The following ZNF37A variants were observed in gnomAD, a reference collection of about 807,000 sequenced individuals.
The protein encoded by ZNF37A is zinc finger protein 37A, also known as zinc finger protein 37a (KOX 21).
ZNF37A carries 10 observed loss-of-function variants against 12.3 expected under a neutral mutation model. That is an observed-to-expected ratio of 0.82 (90% confidence interval 0.50 to 1.38). ZNF37A has a LOEUF of 1.38. Among genes scored for constraint, ZNF37A ranks in the 40% most tolerant of loss-of-function variants. The pLI is 0.00. For missense variants in ZNF37A, 580 were observed against 651.2 expected (o/e 0.89, Z 1.19); for synonymous variants, 207 against 223.0 (o/e 0.93, Z 0.64).
intron 5 of ZNF37A, among the ~76,000 whole-genome samples, chr10:38,113,594 G>T (rs745451435): frequency 6.6e-5 from 10 of 152,110 alleles, no homozygotes; most frequent in Admixed American, 6.5e-5. Flanking sequence ...CCACCCTCCT[G>T]GTTCTAATTT....
chr10:38,104,620 G>A (rs187752322), intron 5 of ZNF37A, among the ~76,000 whole-genome samples: 163 of 152,190 alleles, frequency 1.1e-3, no homozygotes, highest in African/African-American at 3.7e-3. Context: ...TTTTCCTGCA[G>A]TACCTCTACC....
At chr10:38,096,242 T>G (rs985743465) in intron 4 of ZNF37A, among the ~76,000 whole-genome samples, 3 of 152,196 alleles carry the variant, frequency 2.0e-5, no homozygotes, top group African/African-American at 7.2e-5. Context: ...GTTGGGATTC[T>G]CTGGTTTGTA....
At position 38,094,351 on chromosome 10, in the gene ZNF37A, AC is replaced by A. The variant is rs1298653332; in HGVS notation, c.-630del. 8.2e-6 allele frequency: 1 copy of A among 122,646 alleles called. No homozygotes were observed. Among genetic ancestry groups the A allele is most frequent in the Admixed American group, 8.7e-5 (1 of 11,560 alleles). 7.6% of individuals were successfully genotyped at this position (122,646 alleles called of 1,614,324 possible). Reference sequence around the variant, plus strand: ...AGGACTTGTGGGAGATGTAGTGTGCACTTTTCGGCCCCCGTCGCGGGAGCCG... The same window carrying A: ...AGGACTTGTGGGAGATGTAGTGTGCATTTTCGGCCCCCGTCGCGGGAGCCG... On this transcript the variant is annotated 5_prime_UTR_variant, in exon 1 of 8. Coordinates refer to ENST00000685332, the MANE Select transcript of ZNF37A (RefSeq NM_001324250.3).
chr10:38,099,416 A>G (rs2067387013), intron 5 of ZNF37A, among the ~76,000 whole-genome samples: 1 of 152,158 alleles, frequency 6.6e-6, no homozygotes, highest in Non-Finnish European at 1.5e-5. Flanking sequence ...CACCTAGCAT[A>G]ATGTCCTCAA....
rs930741938 is a variant in ZNF37A at position 38,115,490 on chromosome 10, CT to C, written c.238+202del. 2.7e-5 allele frequency: 16 copies of C among 595,786 alleles called. No homozygotes were observed. In the African/African-American group the frequency reaches 3.2e-4, roughly 12 times the overall value. The allele number at this position is 595,786 out of a possible 1,614,324, so 36.9% of individuals were successfully genotyped here. A position where few individuals can be genotyped will look rare whatever the true frequency, so the allele number is the denominator to read the frequency against. On this transcript the variant is annotated intron_variant, in intron 7 of 7. Transcript: ENST00000685332. ...CCCAGTATCACTTTCATACACACAT[CT>C]TGTTGTTTTTTTTAAATTGTGATAT...
Position 38,118,051 on chromosome 10 carries a change from A to G in ZNF37A, c.900A>G (p.Glu300=). Residue 300 remains glutamate, a synonymous_variant, in exon 8 of 8, where the codon GAA becomes GAG. Transcript: ENST00000685332. ...CACACACAGGGGGAAAACCCTATGA[A>G]TGTCATGAATGTGGGAAGACCTTCT... ...QRTHTGGKPY[E]CHECGKTFYK... is the part of the protein sequence containing the mutation. 1 of 1,614,138 alleles carries G rather than the reference A, an allele frequency of 6.2e-7. No individual in the cohort carries two copies. The highest frequency in any genetic ancestry group is 8.5e-7 in the Non-Finnish European group (1 of 1,180,004).
rs747220035 is a variant in ZNF37A, at chr10:38,118,472, T to A, written c.1321T>A (p.Cys441Ser). Residue 441 changes from cysteine (C) to serine (S), a missense_variant, in exon 8 of 8, where the codon TGT becomes AGT. Transcript: ENST00000685332. ...RTHTGEKPYE[C>S]IQCGKFFCYY... ...TCACACAGGTGAGAAACCTTATGAA[T>A]GTATTCAGTGTGGAAAATTTTTCTG... 12 of 1,614,046 alleles carry A rather than the reference T, an allele frequency of 7.4e-6. No homozygotes were observed. Among genetic ancestry groups the A allele is most frequent in the Non-Finnish European group, 1.0e-5 (12 of 1,179,998 alleles).
intron 7 of ZNF37A, among the ~76,000 whole-genome samples, chr10:38,132,792 G>C (rs1590942989): frequency 1.4e-5 from 2 of 147,502 alleles, no homozygotes; most frequent in African/African-American, 5.0e-5. Context: ...TCTGTAGTTG[G>C]TTTACTGTAT....
intron 7 of ZNF37A, chr10:38,146,600 G>A (rs368401881): frequency 3.3e-4 from 129 of 387,378 alleles, no homozygotes; most frequent in South Asian, 3.0e-3. Flanking sequence ...TACTTTCAGG[G>A]GATTTTTAAA....
At chr10:38,128,941 A>T (rs1489936861), downstream of ZNF37A, among the ~76,000 whole-genome samples, 2 of 151,976 alleles carry the variant, frequency 1.3e-5, no homozygotes, top group Non-Finnish European at 2.9e-5. Flanking sequence ...TTTAGTAGAG[A>T]TGGGATTTCA....
intron 7 of ZNF37A, among the ~76,000 whole-genome samples, chr10:38,131,425 C>T (rs565599573): frequency 5.3e-5 from 8 of 152,252 alleles, no homozygotes; most frequent in South Asian, 2.1e-4. Flanking sequence ...CCAGTTTTCC[C>T]GGCACTGTTT....
chr10:38,101,499 T>C (rs2067569176), intron 5 of ZNF37A, among the ~76,000 whole-genome samples: 2 of 152,172 alleles, frequency 1.3e-5, no homozygotes, highest in African/African-American at 4.8e-5. Context: ...CAAGATCATT[T>C]TGGCTAGTTG....
intron 5 of ZNF37A, among the ~76,000 whole-genome samples, chr10:38,106,627 CTAACTAGAA>C (rs1352581228): frequency 6.6e-6 from 1 of 151,996 alleles, no homozygotes; most frequent in Non-Finnish European, 1.5e-5. Context: ...AGACAAATTG[CTAACTAGAA>C]TAACCAGGTT....
chr10:38,148,999 G>C (rs1415792793), exon 8 of ZNF37A: 1 of 151,874 alleles, frequency 6.6e-6, no homozygotes, highest in Non-Finnish European at 1.5e-5. Flanking sequence ...CACCACAACT[G>C]GCTAATTTTT....
downstream of ZNF37A, chr10:38,124,734 T>C (rs559099291): frequency 3.6e-4 from 55 of 152,348 alleles, no homozygotes; most frequent in African/African-American, 1.3e-3. Flanking sequence ...CCAAAATGTG[T>C]ATGGCAGAAA....
At chr10:38,112,782 T>TG (rs1362892333) in intron 5 of ZNF37A, among the ~76,000 whole-genome samples, 4,553 of 138,930 alleles carry the variant, frequency 0.033, 851 homozygotes, top group African/African-American at 0.05. Context: ...TTTCTTTTCT[T>TG]TTCTTTTCTT....
chr10:38,100,959 G>A (rs2263163), intron 5 of ZNF37A, among the ~76,000 whole-genome samples: 62,367 of 151,862 alleles, frequency 0.41, 12,966 homozygotes, highest in East Asian at 0.49. Flanking sequence ...CTTGGCTGCA[G>A]CCGGTCCCTC....
rs1445922368 is a variant in ZNF37A at position 38,121,883 on chromosome 10, C to CTAG, written c.*3046_*3047insTAG. On this transcript the variant is annotated 3_prime_UTR_variant, in exon 8 of 8. Transcript: ENST00000685332. ...ACAAAAAAGGGGAACAGGGATGATT[C>CTAG]CTAGTCAGAGATTGGGAGAAATACA... 6 of 152,066 alleles carry CTAG rather than the reference C, an allele frequency of 3.9e-5. No individual in the cohort carries two copies. The highest frequency in any genetic ancestry group is 1.4e-4 in the African/African-American group (6 of 41,418). 9.4% of individuals were successfully genotyped at this position (152,066 alleles called of 1,614,324 possible).
chr10:38,130,135 G>T (rs540298080), downstream of ZNF37A, among the ~76,000 whole-genome samples: 1 of 152,228 alleles, frequency 6.6e-6, no homozygotes, highest in East Asian at 1.9e-4. Context: ...TGAGATATGT[G>T]TCGCTCTATG....
Sources: gnomAD v4.1 joint callset for allele counts (sites outside exome capture counted in the v4.1 genomes callset) on GRCh38, gnomAD v4.1.1 for gene constraint, MANE v1.5 for transcripts, NCBI Gene and HGNC (gene_info 2026-07-23, HGNC 2026-07-21) for gene names.